SERPINB6: variants seen among roughly 807,000 people sequenced by gnomAD.
SERPINB6 encodes serpin B6.
SERPINB6 carries 16 observed loss-of-function variants against 26.1 expected under a neutral mutation model. The observed-to-expected ratio is 0.61, with a 90% CI of 0.42 to 0.93. SERPINB6 has a LOEUF of 0.93. SERPINB6 is among the 40% of genes least tolerant of loss of function. The probability of loss-of-function intolerance (pLI) is 0.00; values close to 1 mark genes in which losing one functional copy is unlikely to be tolerated. For synonymous variants in SERPINB6, 174 were observed against 176.6 expected (o/e 0.99, Z 0.11); for missense variants, 420 against 478.0 (o/e 0.88, Z 1.13).
At position 2,970,974 on chromosome 6, in the gene SERPINB6, G is replaced by A. The variant is rs114739994; in HGVS notation, c.-11+559C>T. 1.2e-5 allele frequency: 14 copies of A among 1,182,508 alleles called. No homozygotes were observed. In the African/African-American group the frequency reaches 1.6e-4, roughly 14 times the overall value. 73.3% of individuals were successfully genotyped at this position (1,182,508 alleles called of 1,614,324 possible). A position where few individuals can be genotyped will look rare whatever the true frequency, so the allele number is the denominator to read the frequency against. On this transcript the variant is annotated intron_variant, in intron 1 of 6. Transcript: ENST00000380539. ...GTGAACACACGCAGGGGGCCCGGAT[G>A]GCACCGTTTGGCGCCGAACCCCTCG... is the stretch of plus-strand genomic sequence containing the variant.
chr6:2,949,045 T>G lies in SERPINB6; in HGVS notation c.598A>C (p.Met200Leu). The change falls in exon 6 of 7, where the codon ATG (methionine) becomes CTG (leucine). Residue 200 changes from methionine (M) to leucine (L), a missense_variant. Transcript: ENST00000380539. ...SKNEEKPVQM[M>L]FKQSTFKKTY... Reference sequence around the variant, plus strand: ...TTCTTAAAAGTAGATTGCTTAAACATCATTTGCACAGGTTTCTCCTCATTC... The same window carrying G: ...TTCTTAAAAGTAGATTGCTTAAACAGCATTTGCACAGGTTTCTCCTCATTC... 6.2e-7 allele frequency: 1 copy of G among 1,614,182 alleles called. No homozygotes were observed. Among genetic ancestry groups the G allele is most frequent in the Non-Finnish European group, 8.5e-7 (1 of 1,180,042 alleles).
chr6:2,964,246 C>T (rs1771407303), intron 1 of SERPINB6, among the ~76,000 whole-genome samples: 1 of 152,090 alleles, frequency 6.6e-6, no homozygotes, highest in Non-Finnish European at 1.5e-5. Flanking sequence ...GTCATGGAAA[C>T]ATTCATACTA....
chr6:2,948,175 C>G lies in SERPINB6; in HGVS notation c.*123G>C, dbSNP rs557582507. Reference sequence around the variant, plus strand: ...CACACGGAGTGAATGCGGCATCCCACAAATGGGCCCTTTATTTCTGAACTG... The same window carrying G: ...CACACGGAGTGAATGCGGCATCCCAGAAATGGGCCCTTTATTTCTGAACTG... On this transcript the variant is annotated 3_prime_UTR_variant, in exon 7 of 7. Transcript: ENST00000380539. The surrounding 1 kb of genome is among the most constrained non-coding windows in gnomAD (Gnocchi z 5.0). 5.4e-6 allele frequency: 6 copies of G among 1,105,054 alleles called. No individual in the cohort carries two copies. The East Asian group carries it at 1.4e-4, about 26-fold the overall frequency. The allele number at this position is 1,105,054 out of a possible 1,614,324, so 68.5% of individuals were successfully genotyped here.
Position 2,948,421 on chromosome 6 carries a change from G to A in SERPINB6, c.1008C>T (p.Ala336=). 2 of 1,614,224 alleles carry A rather than the reference G, an allele frequency of 1.2e-6. No homozygotes were observed. Among genetic ancestry groups the A allele is most frequent in the Non-Finnish European group, 1.7e-6 (2 of 1,180,044 alleles). ...EGTEAAAATA[A]IMMMRCARFV... is the part of the protein sequence containing the mutation. ...ATCTGGCACACCGCATCATCATGAT[G>A]GCAGCTGTGGCGGCTGCAGCCTCCG... is the stretch of plus-strand genomic sequence containing the variant. Residue 336 remains alanine, a synonymous_variant, in exon 7 of 7, where the codon GCC becomes GCT. Coordinates refer to ENST00000380539, the MANE Select transcript of SERPINB6 (RefSeq NM_004568.6). This position sits in a 1 kb window ranked among gnomAD's most constrained non-coding sequence, Gnocchi z 5.0.
intron 1 of SERPINB6, among the ~76,000 whole-genome samples, chr6:2,965,122 T>C (rs1234157672): frequency 6.6e-6 from 1 of 152,230 alleles, no homozygotes; most frequent in East Asian, 1.9e-4. Flanking sequence ...CCATTTCCTT[T>C]TTATGTAATG....
At position 2,959,178 on chromosome 6, in the gene SERPINB6, T is replaced by C. The variant is rs767405543; in HGVS notation, c.155A>G (p.Gln52Arg). The C allele has an allele frequency of 1.9e-6, 3 of 1,614,210 alleles. No homozygotes were observed. The South Asian group carries it at 3.3e-5, about 18-fold the overall frequency. ...YMGAKGNTAA[Q>R]MAQILSFNKS... ...GCCCTGAAGCTGTACCTGGGCCATC[T>C]GTGCAGCGGTGTTTCCCTTTGCCCC... The change falls in exon 2 of 7, where the codon CAG becomes CGG. Residue 52 changes from glutamine (Q) to arginine (R), a missense_variant. Gln to Arg is a conservative substitution (Grantham distance 43). Coordinates refer to ENST00000380539, the MANE Select transcript of SERPINB6 (RefSeq NM_004568.6).
intron 1 of SERPINB6, among the ~76,000 whole-genome samples, chr6:2,965,636 A>G (rs1771555648): frequency 6.6e-6 from 1 of 152,248 alleles, no homozygotes; most frequent in Non-Finnish European, 1.5e-5. Flanking sequence ...TAAGACTTTC[A>G]AACAGTACAA....
intron 1 of SERPINB6, among the ~76,000 whole-genome samples, chr6:2,962,530 C>T (rs1424335517): frequency 2.6e-5 from 4 of 152,162 alleles, no homozygotes; most frequent in East Asian, 1.9e-4. Context: ...AATCTGGGTT[C>T]CCTTCCATCT....
chr6:2,955,731 G>A, intron 2 of SERPINB6, 61 bp from the exon 3 acceptor site: 1 of 1,587,714 alleles, frequency 6.3e-7, no homozygotes, highest in African/African-American at 1.3e-5. Context: ...CAGGAAATGG[G>A]GCAACCCCAA....
In SERPINB6 at chr6:2,955,605, G is replaced by T. The variant is rs571234750; in HGVS notation, c.231C>A (p.Thr77=). 6.2e-7 allele frequency: 1 copy of T among 1,614,162 alleles called. No individual in the cohort carries two copies. The highest frequency in any genetic ancestry group is 1.1e-5 in the South Asian group (1 of 91,086). Residue 77 remains threonine, a synonymous_variant, in exon 3 of 7, where the codon ACC becomes ACA. Coordinates refer to ENST00000380539, the MANE Select transcript of SERPINB6 (RefSeq NM_004568.6). ...ACTGCGTGCCAGTCTTGTTCACTTC[G>T]GTGAGAAGAGACTGGAAGCCCTGGT... is the stretch of plus-strand genomic sequence containing the variant. ...DIHQGFQSLL[T]EVNKTGTQYL...
At chr6:2,968,136 C>A (rs2113348587) in intron 1 of SERPINB6, 1 of 152,322 alleles carries the variant, frequency 6.6e-6, no homozygotes, top group East Asian at 1.9e-4. Flanking sequence ...AGAATGAGAT[C>A]ATGTGTTTTG....
intron 1 of SERPINB6, chr6:2,959,690 A>C: frequency 2.8e-6 from 1 of 358,308 alleles, no homozygotes. Flanking sequence ...CTATGTTTGT[A>C]TTCTTTGGTG....
chr6:2,949,270 G>A (rs545113918), intron 5 of SERPINB6, among the ~76,000 whole-genome samples: 12 of 152,270 alleles, frequency 7.9e-5, no homozygotes, highest in African/African-American at 2.2e-4. Flanking sequence ...CAAACCCAAC[G>A]TGTCTTTCCT....
At chr6:2,966,543 G>GTTCACTCTCCTACA in intron 1 of SERPINB6, 2 of 291,558 alleles carry the variant, frequency 6.9e-6, no homozygotes, top group Non-Finnish European at 5.1e-6. Flanking sequence ...AGTCTTGTAG[G>GTTCACTCTCCTACA]AGAGTGAACC....
rs1769427803 is a variant in SERPINB6 at position 2,948,813 on chromosome 6, T to G, written c.729+101A>C. 6.3e-7 allele frequency: 1 copy of G among 1,575,400 alleles called. No homozygotes were observed. Among genetic ancestry groups the G allele is most frequent in the Admixed American group, 1.7e-5 (1 of 59,956 alleles). ...GCAGCGTGGCTATGGTCAGCAGCGC[T>G]CCAGTGTTAAACGGCTGACCGCAAA... On this transcript the variant is annotated intron_variant, in intron 6 of 6. Coordinates refer to ENST00000380539, the MANE Select transcript of SERPINB6 (RefSeq NM_004568.6). The surrounding 1 kb of genome is among the most constrained non-coding windows in gnomAD (Gnocchi z 5.0).
At chr6:2,953,917 C>T (rs2113175326) in intron 4 of SERPINB6, among the ~76,000 whole-genome samples, 1 of 152,136 alleles carries the variant, frequency 6.6e-6, no homozygotes, top group Non-Finnish European at 1.5e-5. Flanking sequence ...GTGATCCCAA[C>T]TACTTGGGAG....
chr6:2,959,406 C>T, intron 1 of SERPINB6, 64 bp from the exon 2 acceptor site: 3 of 1,554,970 alleles, frequency 1.9e-6, no homozygotes, highest in Admixed American at 1.7e-5. Flanking sequence ...ATCTCACGCG[C>T]CTTACCGACA....
At chr6:2,969,355 G>A in intron 1 of SERPINB6, 3 of 980,432 alleles carry the variant, frequency 3.1e-6, no homozygotes, top group Non-Finnish European at 3.6e-6. Context: ...ATATATATAT[G>A]TGAATACACA....
chr6:2,966,380 T>G, intron 1 of SERPINB6: 1 of 987,282 alleles, frequency 1.0e-6, no homozygotes, highest in Non-Finnish European at 1.2e-6. Flanking sequence ...ATTAGTTACT[T>G]TCCCTCCAAA....
Sources: allele counts gnomAD v4.1 joint callset (sites outside exome capture counted in the v4.1 genomes callset), GRCh38; gene constraint gnomAD v4.1.1; non-coding constraint Gnocchi (gnomAD v3.1); transcripts MANE v1.5; gene names NCBI Gene and HGNC (gene_info 2026-07-23, HGNC 2026-07-21).